The following DPF3 variants were observed in gnomAD, a reference collection of about 807,000 sequenced individuals.
The protein encoded by DPF3 is zinc finger protein DPF3.
DPF3 carries 18 observed loss-of-function variants against 56.8 expected under a neutral mutation model. That is an observed-to-expected ratio of 0.32 (90% CI 0.22 to 0.47). The LOEUF is 0.47. Among genes scored for constraint, DPF3 ranks in the 20% least tolerant of loss-of-function variants. The pLI is 1.00. For synonymous variants in DPF3, 188 were observed against 180.2 expected (o/e 1.04, Z -0.35); for missense variants, 403 against 488.8 (o/e 0.82, Z 1.65).
chr14:72,754,469 C>T (rs1037183856), intron 2 of DPF3, among the ~76,000 whole-genome samples: 3 of 152,174 alleles, frequency 2.0e-5, no homozygotes, highest in Non-Finnish European at 4.4e-5. Context: ...AAACTAAATA[C>T]TCATTGAATT....
intron 1 of DPF3, among the ~76,000 whole-genome samples, chr14:72,822,170 G>A (rs1296966713): frequency 1.3e-5 from 2 of 152,100 alleles, no homozygotes; most frequent in Non-Finnish European, 2.9e-5. Context: ...CTGAGATCAG[G>A]AGTTCAAGAT....
At chr14:72,726,741 C>T (rs1889423067) in intron 4 of DPF3, among the ~76,000 whole-genome samples, 1 of 152,158 alleles carries the variant, frequency 6.6e-6, no homozygotes, top group East Asian at 1.9e-4. Flanking sequence ...ACATGCATTC[C>T]TTGTCCAAGG....
intron 1 of DPF3, among the ~76,000 whole-genome samples, chr14:72,874,925 C>G (rs1422326569): frequency 6.6e-6 from 1 of 152,132 alleles, no homozygotes; most frequent in Non-Finnish European, 1.5e-5. Context: ...AAAGACATAC[C>G]TGAGACTGGG....
intron 1 of DPF3, among the ~76,000 whole-genome samples, chr14:72,796,289 C>T (rs1892643948): frequency 6.6e-6 from 1 of 152,132 alleles, no homozygotes; most frequent in Non-Finnish European, 1.5e-5. Context: ...ATCACTTGAG[C>T]TCAGGAGTTT....
At chr14:72,688,228 G>A (rs939645396) in intron 7 of DPF3, among the ~76,000 whole-genome samples, 2 of 128,216 alleles carry the variant, frequency 1.6e-5, no homozygotes, top group Non-Finnish European at 1.7e-5. Flanking sequence ...ATGGATGGAT[G>A]GATGGATGGG....
intron 9 of DPF3, among the ~76,000 whole-genome samples, chr14:72,624,885 G>C (rs921611356): frequency 1.3e-5 from 2 of 152,116 alleles, no homozygotes; most frequent in African/African-American, 4.8e-5. Flanking sequence ...AAGTAATGTT[G>C]TGCCCTTCTT....
chr14:72,636,265 T>C lies in DPF3; in HGVS notation c.872-6529A>G, dbSNP rs548862131. 3.3e-5 allele frequency among the ~76,000 whole-genome samples: 5 copies of C among 152,368 alleles called. No homozygotes were observed. The East Asian group carries it at 9.6e-4, about 29-fold the overall frequency. On this transcript the variant is annotated intron_variant, in intron 8 of 10. Transcript: ENST00000556509. ...ATACACATATAAAATTCCTGGTATT[T>C]ACAAATTGCAAATGTATATATGAAG... is the stretch of plus-strand genomic sequence containing the variant.
intron 1 of DPF3, among the ~76,000 whole-genome samples, chr14:72,859,910 C>G (rs1196991069): frequency 6.6e-6 from 1 of 151,530 alleles, no homozygotes; most frequent in Non-Finnish European, 1.5e-5. Context: ...TGATCTAGTG[C>G]CAAGAGCTAG....
At chr14:72,834,143 A>C (rs1309914808) in intron 1 of DPF3, among the ~76,000 whole-genome samples, 1 of 150,898 alleles carries the variant, frequency 6.6e-6, no homozygotes. Flanking sequence ...GCGCCATTGC[A>C]CTCCAGCCCG....
In DPF3 at chr14:72,820,296, G is replaced by A. The variant is rs537588537; in HGVS notation, c.33-48403C>T. On this transcript the variant is annotated intron_variant, in intron 1 of 10. Transcript: ENST00000556509. ...ATAAAAAGCATTAAGACCTCAACAG[G>A]CAAATGGCCAAAAGACACAGAAAAG... 6.6e-5 allele frequency among the ~76,000 whole-genome samples: 10 copies of A among 152,116 alleles called. No individual in the cohort carries two copies. In the South Asian group the frequency reaches 2.1e-3, roughly 32 times the overall value.
intron 1 of DPF3, among the ~76,000 whole-genome samples, chr14:72,875,743 G>A (rs772159339): frequency 5.4e-5 from 8 of 149,378 alleles, no homozygotes; most frequent in Non-Finnish European, 6.0e-5. Context: ...CAGCCTCCCC[G>A]TGAAAACTAG....
chr14:72,886,022 C>T (rs1886531095), intron 1 of DPF3, among the ~76,000 whole-genome samples: 1 of 152,146 alleles, frequency 6.6e-6, no homozygotes, highest in Admixed American at 6.5e-5. Flanking sequence ...TGGTAGGAAG[C>T]AGGGGATGGA....
intron 6 of DPF3, among the ~76,000 whole-genome samples, chr14:72,708,198 G>A (rs1888494630): frequency 6.6e-6 from 1 of 152,188 alleles, no homozygotes; most frequent in South Asian, 2.1e-4. Context: ...GCAGAGACAG[G>A]AGGGTCTAGG....
chr14:72,758,108 CA>C (rs1003362629), intron 2 of DPF3, among the ~76,000 whole-genome samples: 1 of 151,960 alleles, frequency 6.6e-6, no homozygotes, highest in Admixed American at 6.6e-5. Context: ...ACCATTGGAA[CA>C]ATGCAAATAT....
intron 3 of DPF3, among the ~76,000 whole-genome samples, chr14:72,738,269 C>T (rs934314367): frequency 8.5e-5 from 13 of 152,050 alleles, no homozygotes; most frequent in Non-Finnish European, 1.5e-4. Context: ...TCATAAAGCT[C>T]GAAATAGATG....
chr14:72,649,898 A>G (rs1885853212), intron 8 of DPF3, among the ~76,000 whole-genome samples: 1 of 152,180 alleles, frequency 6.6e-6, no homozygotes, highest in African/African-American at 2.4e-5. Flanking sequence ...TATTCCAACC[A>G]ACATCCATGC....
intron 1 of DPF3, among the ~76,000 whole-genome samples, chr14:72,842,902 T>C (rs1451024651): frequency 6.6e-6 from 1 of 151,894 alleles, no homozygotes; most frequent in Non-Finnish European, 1.5e-5. Flanking sequence ...AGACGCTTGT[T>C]ATCCCAGCTA....
chr14:72,732,058 C>A, intron 3 of DPF3, 124 bp from the exon 4 acceptor site: 2 of 1,262,736 alleles, frequency 1.6e-6, no homozygotes, highest in Non-Finnish European at 2.1e-6. Flanking sequence ...GCTCTCTCCT[C>A]CTGGAGGGAG....
chr14:72,657,479 G>C (rs1360959368), intron 8 of DPF3, among the ~76,000 whole-genome samples: 1 of 152,172 alleles, frequency 6.6e-6, no homozygotes, highest in Non-Finnish European at 1.5e-5. Context: ...CCAAAATCTT[G>C]TGGTGAGATT....
Sources: allele counts gnomAD v4.1 joint callset (sites outside exome capture counted in the v4.1 genomes callset), GRCh38; gene constraint gnomAD v4.1.1; transcripts MANE v1.5; gene names NCBI Gene and HGNC (gene_info 2026-07-23, HGNC 2026-07-21).